The following PRKCQ variants were observed in gnomAD, a reference collection of about 807,000 sequenced individuals.
The protein encoded by PRKCQ is protein kinase C theta type.
A neutral mutation model predicts 91.2 loss-of-function variants in PRKCQ; 41 were observed. The ratio of observed to expected loss-of-function variants is 0.45; its 90% CI spans 0.35 to 0.58. The LOEUF (loss-of-function observed/expected upper bound fraction) is 0.58, where lower values mean the gene tolerates loss of function less well. PRKCQ is among the 20% of genes least tolerant of loss of function. The pLI, the probability that PRKCQ is intolerant of heterozygous loss-of-function variation, is 0.00. For synonymous variants in PRKCQ, 307 were observed against 316.9 expected (o/e 0.97, Z 0.33); for missense variants, 673 against 896.5 (o/e 0.75, Z 3.18).
chr10:6,467,339 G>GAGAGAGAGAGAGAGAGAC (rs1564324097), intron 12 of PRKCQ, among the ~76,000 whole-genome samples: 11 of 110,650 alleles, frequency 9.9e-5, no homozygotes, highest in African/African-American at 3.6e-4. Flanking sequence ...GACAGACAGA[G>GAGAGAGAGAGAGAGAGAC]AGAGAGAGAG....
chr10:6,451,000 C>T (rs1834641202), intron 15 of PRKCQ, among the ~76,000 whole-genome samples: 1 of 152,062 alleles, frequency 6.6e-6, no homozygotes, highest in Admixed American at 6.6e-5. Context: ...GACACCCTAA[C>T]ATCACAATTA....
At chr10:6,565,333 T>A (rs974282413) in intron 1 of PRKCQ, among the ~76,000 whole-genome samples, 3 of 152,230 alleles carry the variant, frequency 2.0e-5, no homozygotes, top group Non-Finnish European at 2.9e-5. Context: ...AATAGATACA[T>A]ATGCTCTCTG....
In PRKCQ at chr10:6,465,360, G is replaced by T. The variant is rs1208656299; in HGVS notation, c.1354-956C>A. The stretch of plus-strand genomic sequence containing the variant: ...CATGATGTATGTCAGTAGAGCTGGG[G>T]CCCTCGAGTGGCCACAGTCAGAAGT... On this transcript the variant is annotated intron_variant, in intron 12 of 17. Coordinates refer to ENST00000263125, the MANE Select transcript of PRKCQ (RefSeq NM_006257.5). This position sits in a 1 kb window ranked among gnomAD's most constrained non-coding sequence, Gnocchi z 4.4. 6.6e-6 allele frequency among the ~76,000 whole-genome samples: 1 copy of T among 152,194 alleles called. No homozygotes were observed. The highest frequency in any genetic ancestry group is 2.4e-5 in the African/African-American group (1 of 41,436).
chr10:6,427,273 T>C lies in PRKCQ; in HGVS notation c.*934A>G, dbSNP rs749698377. The stretch of plus-strand genomic sequence containing the variant: ...TGGTTGGAATTCTAATTCAACTCAA[T>C]TGACTGCTGCAAACAGCATGCATGG... On this transcript the variant is annotated 3_prime_UTR_variant, in exon 18 of 18. Coordinates refer to ENST00000263125, the MANE Select transcript of PRKCQ (RefSeq NM_006257.5). The C allele has an allele frequency of 2.0e-5, 3 of 152,344 alleles. No homozygotes were observed. Among genetic ancestry groups the C allele is most frequent in the Admixed American group, 6.5e-5 (1 of 15,300 alleles). 9.4% of individuals were successfully genotyped at this position (152,344 alleles called of 1,614,324 possible).
chr10:6,486,177 T>C, intron 8 of PRKCQ, 33 bp from the exon 9 acceptor site: 2 of 1,557,050 alleles, frequency 1.3e-6, no homozygotes, highest in Non-Finnish European at 1.8e-6. Flanking sequence ...TGAGCAAGAG[T>C]GGAAGAACCC....
intron 12 of PRKCQ, among the ~76,000 whole-genome samples, chr10:6,471,118 G>A (rs1160364230): frequency 6.6e-6 from 1 of 151,920 alleles, no homozygotes; most frequent in Non-Finnish European, 1.5e-5. Context: ...TAGCCAGTAT[G>A]ATCTACAGTC....
intron 1 of PRKCQ, among the ~76,000 whole-genome samples, chr10:6,548,443 T>C (rs1274816598): frequency 2.6e-5 from 4 of 151,176 alleles, no homozygotes; most frequent in African/African-American, 9.7e-5. Flanking sequence ...CATATGTTTA[T>C]TGTGGCACTA....
chr10:6,482,267 G>A (rs560075043), intron 11 of PRKCQ, among the ~76,000 whole-genome samples: 1 of 152,126 alleles, frequency 6.6e-6, no homozygotes, highest in Non-Finnish European at 1.5e-5. Flanking sequence ...GGTTATTAAG[G>A]CAGGTCCTAA....
the PRKCQ span, among the ~76,000 whole-genome samples, chr10:6,420,132 G>A: frequency 8.5e-5 from 13 of 152,232 alleles, no homozygotes; most frequent in South Asian, 2.5e-3. Context: ...GGGATTATAG[G>A]TGCGCACTAC....
At chr10:6,449,522 C>G (rs1834528517) in intron 15 of PRKCQ, among the ~76,000 whole-genome samples, 1 of 151,978 alleles carries the variant, frequency 6.6e-6, no homozygotes, top group South Asian at 2.1e-4. Flanking sequence ...GGATATTATC[C>G]AGGAGAACTT....
At chr10:6,559,489 GCTGGGACTACAGGCATCCAC>G (rs1840542084) in intron 1 of PRKCQ, among the ~76,000 whole-genome samples, 1 of 152,124 alleles carries the variant, frequency 6.6e-6, no homozygotes, top group South Asian at 2.1e-4. Context: ...CTCCTGAGTA[GCTGGGACTACAGGCATCCAC>G]CACCACACCC....
chr10:6,555,749 T>A (rs549929445), intron 1 of PRKCQ, among the ~76,000 whole-genome samples: 25 of 152,196 alleles, frequency 1.6e-4, no homozygotes, highest in African/African-American at 5.8e-4. Flanking sequence ...GTAGCTCACA[T>A]CTGTAATCCC....
chr10:6,555,260 A>T (rs1840366984), intron 1 of PRKCQ, among the ~76,000 whole-genome samples: 1 of 141,888 alleles, frequency 7.0e-6, no homozygotes, highest in African/African-American at 2.7e-5. Flanking sequence ...AATAAAAGTT[A>T]AAAAAAAAAA....
At chr10:6,423,202 C>T (rs587378), downstream of PRKCQ, among the ~76,000 whole-genome samples, 149,178 of 152,230 alleles carry the variant, frequency 0.98, 73,161 homozygotes, top group East Asian at 1. Context: ...AGAGAATGAG[C>T]AAAAGCCCTA....
chr10:6,488,384 T>G (rs919305575), intron 8 of PRKCQ, among the ~76,000 whole-genome samples: 1 of 140,216 alleles, frequency 7.1e-6, no homozygotes, highest in Non-Finnish European at 1.6e-5. Context: ...TAAATAACTA[T>G]TACTTTTTTT....
chr10:6,543,903 G>C (rs972762356), intron 1 of PRKCQ, among the ~76,000 whole-genome samples: 11 of 152,190 alleles, frequency 7.2e-5, no homozygotes, highest in African/African-American at 2.4e-4. Flanking sequence ...AGGACCGAAA[G>C]AGCAGAAGGT....
chr10:6,476,187 GGAC>G (rs1386355745), intron 12 of PRKCQ, among the ~76,000 whole-genome samples: 2 of 152,022 alleles, frequency 1.3e-5, no homozygotes, highest in African/African-American at 4.8e-5. Flanking sequence ...CTCATAAGAG[GGAC>G]AGAAACAAAT....
chr10:6,435,042 G>A (rs1359039012), intron 16 of PRKCQ, among the ~76,000 whole-genome samples: 1 of 152,140 alleles, frequency 6.6e-6, no homozygotes, highest in East Asian at 1.9e-4. Context: ...AGCCTCCCGA[G>A]TAGCTGGGAC....
At chr10:6,403,987 G>A in the PRKCQ span, among the ~76,000 whole-genome samples, 4 of 152,020 alleles carry the variant, frequency 2.6e-5, no homozygotes, top group South Asian at 8.3e-4. Flanking sequence ...ACATTAGGGT[G>A]CATATGAGGA....
Sources: gnomAD v4.1 joint callset for allele counts (sites outside exome capture counted in the v4.1 genomes callset) on GRCh38, gnomAD v4.1.1 for gene constraint, Gnocchi (gnomAD v3.1) non-coding constraint, MANE v1.5 for transcripts, NCBI Gene and HGNC (gene_info 2026-07-23, HGNC 2026-07-21) for gene names.